MALRD1: variants seen among roughly 807,000 people sequenced by gnomAD.
The protein encoded by MALRD1 is MAM and LDL receptor class A domain containing 1.
Under a neutral mutation model 242.1 loss-of-function variants are expected in MALRD1, and 247 were observed. The ratio of observed to expected loss-of-function variants is 1.02; its 90% CI spans 0.92 to 1.13. The LOEUF (loss-of-function observed/expected upper bound fraction) is 1.13. Ranked by LOEUF, MALRD1 falls within the 50% of genes most tolerant of loss-of-function variation. The pLI is 0.00. For synonymous variants in MALRD1, 995 were observed against 866.6 expected (o/e 1.15, Z -2.60); for missense variants, 2,989 against 2,533.1 (o/e 1.18, Z -3.86).
At chr10:19,676,176 A>G (rs926250086) in intron 36 of MALRD1, among the ~76,000 whole-genome samples, 1 of 152,238 alleles carries the variant, frequency 6.6e-6, no homozygotes, top group African/African-American at 2.4e-5. Flanking sequence ...CCAGATAACA[A>G]GATGCCTGTA....
chr10:19,109,803 A>G (rs544087844), intron 5 of MALRD1, among the ~76,000 whole-genome samples: 1 of 152,312 alleles, frequency 6.6e-6, no homozygotes, highest in East Asian at 1.9e-4. Flanking sequence ...AGAAGGCACA[A>G]TGTGCGCTCC....
At chr10:19,329,459 A>G (rs1280478331) in intron 23 of MALRD1, among the ~76,000 whole-genome samples, 1 of 151,242 alleles carries the variant, frequency 6.6e-6, no homozygotes, top group Non-Finnish European at 1.5e-5. Flanking sequence ...AATTTTTACT[A>G]TTTGAGCAAT....
At chr10:19,228,298 G>C (rs1837886797) in intron 18 of MALRD1, among the ~76,000 whole-genome samples, 1 of 152,156 alleles carries the variant, frequency 6.6e-6, no homozygotes, top group East Asian at 1.9e-4. Context: ...AGACATGAAA[G>C]ACACCAATGT....
At chr10:19,476,881 C>T (rs1836762315) in intron 29 of MALRD1, among the ~76,000 whole-genome samples, 2 of 152,102 alleles carry the variant, frequency 1.3e-5, no homozygotes, top group South Asian at 4.1e-4. Context: ...TATATTTCAA[C>T]ATACGCTTCC....
At chr10:19,615,701 C>T (rs16919171) in intron 35 of MALRD1, among the ~76,000 whole-genome samples, 156 bp from the exon 36 acceptor site, 9,572 of 151,772 alleles carry the variant, frequency 0.063, 977 homozygotes, top group African/African-American at 0.21. Flanking sequence ...GAAGAGAGTA[C>T]AGGAAAGTAG....
intron 21 of MALRD1, among the ~76,000 whole-genome samples, chr10:19,321,863 A>C (rs1408604340): frequency 6.6e-6 from 1 of 152,168 alleles, no homozygotes; most frequent in Non-Finnish European, 1.5e-5. Flanking sequence ...GATTTAATCC[A>C]ATCTCCATTA....
At chr10:19,278,112 A>C (rs145042917) in intron 19 of MALRD1, among the ~76,000 whole-genome samples, 5 of 152,146 alleles carry the variant, frequency 3.3e-5, no homozygotes, top group African/African-American at 1.2e-4. Flanking sequence ...TCTGCTCTCC[A>C]GTTCCATATC....
chr10:19,608,570 G>C (rs1303177970), intron 35 of MALRD1, among the ~76,000 whole-genome samples: 1 of 151,632 alleles, frequency 6.6e-6, no homozygotes, highest in Admixed American at 6.6e-5. Context: ...ATATAATTTT[G>C]TCCTAACTAA....
chr10:19,403,189 C>A (rs1023766679), intron 28 of MALRD1, among the ~76,000 whole-genome samples: 3 of 152,028 alleles, frequency 2.0e-5, no homozygotes, highest in Non-Finnish European at 4.4e-5. Flanking sequence ...GTTTTGTAGT[C>A]CTGATTTAAA....
At chr10:19,477,558 G>T (rs1836796476) in intron 29 of MALRD1, among the ~76,000 whole-genome samples, 2 of 152,178 alleles carry the variant, frequency 1.3e-5, no homozygotes, top group African/African-American at 4.8e-5. Context: ...GGGGTTCATT[G>T]TCTCATGCCA....
chr10:19,588,320 T>A (rs1343472798), intron 33 of MALRD1, among the ~76,000 whole-genome samples: 1 of 152,182 alleles, frequency 6.6e-6, no homozygotes, highest in Non-Finnish European at 1.5e-5. Flanking sequence ...AACCACTGAT[T>A]TATTATTCAT....
At chr10:19,076,089 T>C (rs1835308053) in intron 2 of MALRD1, among the ~76,000 whole-genome samples, 1 of 151,972 alleles carries the variant, frequency 6.6e-6, no homozygotes, top group Non-Finnish European at 1.5e-5. Flanking sequence ...TGGTTCCAGT[T>C]CCTCCAGTTT....
At chr10:19,535,588 T>C (rs952478406) in intron 32 of MALRD1, among the ~76,000 whole-genome samples, 1 of 151,104 alleles carries the variant, frequency 6.6e-6, no homozygotes, top group Non-Finnish European at 1.5e-5. Flanking sequence ...TATATATATA[T>C]ATGACAGGGA....
Position 19,389,537 on chromosome 10 carries a change from T to G in MALRD1, c.4773T>G (p.Ser1591Arg). ...GGAGTACCATGTGGCGAGAATCCAG[T>G]GCAGCCTGCACCATGAGCTTCTGGT... ...HFRSTMWRES[S>R]AACTMSFWYF... Residue 1591 changes from serine (S) to arginine (R), a missense_variant, in exon 28 of 40, where the codon AGT (serine) becomes AGG (arginine). Transcript: ENST00000454679. 1 of 1,550,706 alleles carries G rather than the reference T, an allele frequency of 6.4e-7. No homozygotes were observed. The highest frequency in any genetic ancestry group is 8.7e-7 in the Non-Finnish European group (1 of 1,146,960).
chr10:19,452,808 T>C (rs1347922729), intron 29 of MALRD1, among the ~76,000 whole-genome samples: 5 of 152,120 alleles, frequency 3.3e-5, no homozygotes, highest in African/African-American at 7.2e-5. Context: ...GCAAAACACG[T>C]CAAAGTCAGA....
At chr10:19,289,540 G>A (rs986995771) in intron 21 of MALRD1, among the ~76,000 whole-genome samples, 23 of 152,090 alleles carry the variant, frequency 1.5e-4, no homozygotes, top group African/African-American at 9.7e-5. Flanking sequence ...ACAATAAATC[G>A]TGGAGAAGGG....
intron 38 of MALRD1, among the ~76,000 whole-genome samples, chr10:19,705,804 T>TGAAAAAAATAAAAAAAAAAAAAAAAAAA (rs71388859): frequency 9.7e-6 from 1 of 102,904 alleles, no homozygotes; most frequent in Non-Finnish European, 1.8e-5. Flanking sequence ...CCTGCAATAG[T>TGAAAAAAATAAAAAAAAAAAAAAAAAAA]AAAAAAAAAA....
At chr10:19,516,378 T>G (rs372846686) in intron 31 of MALRD1, among the ~76,000 whole-genome samples, 1 of 152,192 alleles carries the variant, frequency 6.6e-6, no homozygotes, top group Non-Finnish European at 1.5e-5. Flanking sequence ...ATACATAACA[T>G]ATAGACAATT....
chr10:19,439,286 T>A (rs1834501051), intron 28 of MALRD1, among the ~76,000 whole-genome samples: 1 of 152,178 alleles, frequency 6.6e-6, no homozygotes, highest in African/African-American at 2.4e-5. Flanking sequence ...GTTCCAGCAC[T>A]TTGGGAAGCC....
Sources: allele counts gnomAD v4.1 joint callset (sites outside exome capture counted in the v4.1 genomes callset), GRCh38; gene constraint gnomAD v4.1.1; transcripts MANE v1.5; gene names NCBI Gene and HGNC (gene_info 2026-07-23, HGNC 2026-07-21).